Variants in GNA12 observed in about 807,000 individuals in gnomAD.
GNA12 encodes the protein guanine nucleotide-binding protein subunit alpha-12.
In GNA12, 9 loss-of-function variants were observed where a neutral mutation model predicts 26.0. The observed-to-expected ratio is 0.35, with a 90% CI of 0.21 to 0.60. The LOEUF (loss-of-function observed/expected upper bound fraction) is 0.60, where lower values mean the gene tolerates loss of function less well. Ranked by LOEUF, GNA12 falls within the 20% of genes least tolerant of loss-of-function variation. GNA12 has a pLI of 0.78. For synonymous variants in GNA12, 264 were observed against 219.6 expected, an observed-to-expected ratio of 1.20 and a Z score of -1.79; for missense variants, 405 against 525.8, an observed-to-expected ratio of 0.77 and a Z score of 2.25.
Position 2,729,177 on chromosome 7 carries a change from T to A in GNA12, c.*2004A>T, listed in dbSNP as rs1211606703. 1 of 152,384 alleles carries A rather than the reference T, an allele frequency of 6.6e-6. No homozygotes were observed. The allele number at this position is 152,384 out of a possible 1,614,324, so 9.4% of individuals were successfully genotyped here. A position where few individuals can be genotyped will look rare whatever the true frequency, so the allele number is the denominator to read the frequency against. ...TCTCCCCGTTGGCGGAGGACCCGCT[T>A]GCACTTCCTCTGGGCTCTGGATTCT... On this transcript the variant is annotated 3_prime_UTR_variant, in exon 4 of 4. Coordinates refer to ENST00000275364, the MANE Select transcript of GNA12 (RefSeq NM_007353.3).
intron 2 of GNA12, among the ~76,000 whole-genome samples, chr7:2,776,528 A>C (rs1295452674): frequency 6.6e-6 from 1 of 152,192 alleles, no homozygotes; most frequent in Non-Finnish European, 1.5e-5. Context: ...GCCCACATTC[A>C]ACGGCTAAAG....
At chr7:2,824,021 T>C (rs550979998) in intron 1 of GNA12, among the ~76,000 whole-genome samples, 1 of 152,200 alleles carries the variant, frequency 6.6e-6, no homozygotes, top group East Asian at 1.9e-4. Context: ...TAAAAGATAG[T>C]TGACTCCTTT....
At chr7:2,776,895 A>G (rs1792091400) in intron 2 of GNA12, among the ~76,000 whole-genome samples, 1 of 152,152 alleles carries the variant, frequency 6.6e-6, no homozygotes, top group Non-Finnish European at 1.5e-5. Context: ...GCCTGCAGTG[A>G]GCTGTGACTG....
intron 2 of GNA12, among the ~76,000 whole-genome samples, chr7:2,748,196 C>T (rs200497737): frequency 1.3e-5 from 2 of 150,590 alleles, no homozygotes; most frequent in African/African-American, 2.4e-5. Context: ...GAGCCTGCAT[C>T]GCCAAGTCAA....
At chr7:2,733,960 A>G (rs547661999) in intron 2 of GNA12, among the ~76,000 whole-genome samples, 1 of 152,362 alleles carries the variant, frequency 6.6e-6, no homozygotes, top group East Asian at 1.9e-4. Context: ...TCCTGACGAA[A>G]AGGAGCATCT....
In GNA12 at chr7:2,795,006, C is replaced by T. The variant is rs1271662708; in HGVS notation, c.447G>A (p.Leu149=). The part of the protein sequence containing the change: ...GLPVEPATFQ[L]YVPALSALWR... ...AGAGTGCGCTCAGGGCCGGGACGTA[C>T]AGCTGGAAGGTGGCCGGCTCCACAG... The change falls in exon 2 of 4, where the codon CTG becomes CTA. Residue 149 remains leucine, a synonymous_variant. Coordinates refer to ENST00000275364, the MANE Select transcript of GNA12 (RefSeq NM_007353.3). 1.2e-6 allele frequency: 2 copies of T among 1,614,222 alleles called. No individual in the cohort carries two copies. The highest frequency in any genetic ancestry group is 1.7e-5 in the Admixed American group (1 of 60,028).
intron 1 of GNA12, among the ~76,000 whole-genome samples, chr7:2,819,042 T>C (rs969624713): frequency 6.6e-6 from 1 of 152,118 alleles, no homozygotes; most frequent in East Asian, 1.9e-4. Flanking sequence ...AATAGGGCGA[T>C]TATTCTGGAT....
chr7:2,819,679 T>C (rs1793301939), intron 1 of GNA12, among the ~76,000 whole-genome samples: 1 of 152,202 alleles, frequency 6.6e-6, no homozygotes, highest in Non-Finnish European at 1.5e-5. Context: ...AAAGATGCTA[T>C]ACCTCATTCA....
chr7:2,764,394 T>A lies in GNA12; in HGVS notation c.525+30534A>T, dbSNP rs554903340. Among the ~76,000 whole-genome samples, 48 of 152,266 alleles carry A rather than the reference T, an allele frequency of 3.2e-4. No individual in the cohort carries two copies. In the South Asian group the frequency reaches 9.3e-3, roughly 30 times the overall value. On this transcript the variant is annotated intron_variant, in intron 2 of 3. Transcript: ENST00000275364. Reference sequence around the variant, plus strand: ...TCCCGCATCCAGGCAGTCTGGTTTATTATTCACACAGAAGTACATCTGATA... The same window carrying A: ...TCCCGCATCCAGGCAGTCTGGTTTAATATTCACACAGAAGTACATCTGATA...
chr7:2,755,282 T>C (rs563582353), intron 2 of GNA12, among the ~76,000 whole-genome samples: 10 of 152,326 alleles, frequency 6.6e-5, no homozygotes, highest in Admixed American at 2.0e-4. Context: ...ATCACATCCA[T>C]GTCTACAAAA....
At chr7:2,778,997 T>G (rs145013385) in intron 2 of GNA12, among the ~76,000 whole-genome samples, 129 of 152,298 alleles carry the variant, frequency 8.5e-4, no homozygotes, top group African/African-American at 3.0e-3. Context: ...GAATAATACA[T>G]AAACTTTATG....
chr7:2,734,957 C>A (rs1314545738), intron 2 of GNA12, among the ~76,000 whole-genome samples: 1 of 152,200 alleles, frequency 6.6e-6, no homozygotes, highest in African/African-American at 2.4e-5. Context: ...TGCTCTCTCC[C>A]TTCCTCGCCA....
In GNA12 at chr7:2,753,278, C is replaced by T. The variant is rs988935857; in HGVS notation, c.526-19777G>A. Among the ~76,000 whole-genome samples the T allele has an allele frequency of 3.9e-5, 6 of 152,250 alleles. No homozygotes were observed. In the East Asian group the frequency reaches 1.2e-3, roughly 29 times the overall value. On this transcript the variant is annotated intron_variant, in intron 2 of 3. Coordinates refer to ENST00000275364, the MANE Select transcript of GNA12 (RefSeq NM_007353.3). ...AAATGATCCTCCTGCCTCAGCCTCC[C>T]AAGTAGCTGGGACTATAGGTGCATG...
chr7:2,758,044 G>T (rs1265186211), intron 2 of GNA12, among the ~76,000 whole-genome samples: 1 of 152,134 alleles, frequency 6.6e-6, no homozygotes, highest in Admixed American at 6.5e-5. Flanking sequence ...CTCTTGCTTG[G>T]GGATGAGTCA....
At chr7:2,825,684 A>T (rs1164541072) in intron 1 of GNA12, among the ~76,000 whole-genome samples, 2 of 152,194 alleles carry the variant, frequency 1.3e-5, no homozygotes, top group African/African-American at 4.8e-5. Context: ...CAGCCTTATG[A>T]AAAATGCCTG....
intron 2 of GNA12, among the ~76,000 whole-genome samples, chr7:2,778,942 C>T (rs893853230): frequency 3.9e-5 from 6 of 152,104 alleles, no homozygotes; most frequent in African/African-American, 1.4e-4. Context: ...ATTAAGGGTA[C>T]GTTATATTTA....
chr7:2,750,827 T>A (rs893309280), intron 2 of GNA12, among the ~76,000 whole-genome samples: 2 of 152,282 alleles, frequency 1.3e-5, no homozygotes, highest in East Asian at 1.9e-4. Context: ...AGAACCAGAT[T>A]CGGATATGGC....
intron 2 of GNA12, among the ~76,000 whole-genome samples, chr7:2,773,864 C>T (rs1383325169): frequency 1.3e-5 from 2 of 152,162 alleles, no homozygotes; most frequent in East Asian, 3.8e-4. Context: ...GGCGTCTACC[C>T]GGACGCCCAT....
intron 2 of GNA12, among the ~76,000 whole-genome samples, chr7:2,780,372 AATT>A (rs1259982681): frequency 6.6e-6 from 1 of 152,052 alleles, no homozygotes; most frequent in South Asian, 2.1e-4. Context: ...TCCTTTTTAA[AATT>A]ATTATTGTAA....
Sources: allele counts gnomAD v4.1 joint callset (sites outside exome capture counted in the v4.1 genomes callset), GRCh38; gene constraint gnomAD v4.1.1; transcripts MANE v1.5; gene names NCBI Gene and HGNC (gene_info 2026-07-23, HGNC 2026-07-21).